ANK1: variants seen among roughly 807,000 people sequenced by gnomAD.
ANK1 encodes ankyrin 1, also known as ankyrin-1.
ANK1 carries 51 observed loss-of-function variants against 210.4 expected under a neutral mutation model. That is an observed-to-expected ratio of 0.24 (90% CI 0.19 to 0.31). ANK1 has a LOEUF of 0.31. Ranked by LOEUF, ANK1 falls within the 10% of genes least tolerant of loss-of-function variation. The probability of loss-of-function intolerance (pLI) is 1.00; values close to 1 mark genes in which losing one functional copy is unlikely to be tolerated. For missense variants in ANK1, 2,051 were observed against 2,504.4 expected, an observed-to-expected ratio of 0.82 and a Z score of 3.86; for synonymous variants, 967 against 1,025.9, an observed-to-expected ratio of 0.94 and a Z score of 1.10.
rs555961001 is a variant in ANK1 at position 41,666,337 on chromosome 8, C to A, written c.5394+1930G>T. Among the ~76,000 whole-genome samples, 126 of 152,348 alleles carry A rather than the reference C, an allele frequency of 8.3e-4. 1 individual carries two copies. The highest frequency in any genetic ancestry group is 2.9e-3 in the African/African-American group (122 of 41,576). ...GAGGTTCTATCGTCTTCCCATTTTA[C>A]ACAAAGGAAACAGAAGCAAAGTATT... is the stretch of plus-strand genomic sequence containing the variant. On this transcript the variant is annotated intron_variant, in intron 39 of 42. Transcript: ENST00000289734.
At position 41,703,420 on chromosome 8, in the gene ANK1, GTGTA is replaced by G. The variant is rs1422568083; in HGVS notation, c.2295+617_2295+620del. Among the ~76,000 whole-genome samples, 114 of 51,124 alleles carry G rather than the reference GTGTA, an allele frequency of 2.2e-3. 1 individual carries two copies. The highest frequency in any genetic ancestry group is 0.013 in the Middle Eastern group (1 of 80). 33.5% of individuals were successfully genotyped at this position (51,124 alleles called of 152,430 possible). ...TGTATATGTGTGTGTGTGTGTGTGT[GTGTA>G]TATATATATATATATATATATATAT... On this transcript the variant is annotated intron_variant, in intron 20 of 42. Transcript: ENST00000289734.
chr8:41,696,738 G>A lies in ANK1; in HGVS notation c.2673C>T (p.Pro891=). 6.3e-7 allele frequency: 1 copy of A among 1,599,316 alleles called. No homozygotes were observed. Among genetic ancestry groups the A allele is most frequent in the Non-Finnish European group, 8.5e-7 (1 of 1,179,104 alleles). ...CTGAGGTCTCGGTGGCCGGGCTGCT[G>A]GGGATGAGGGAGTCCTCATCATACT... The part of the protein sequence containing the change: ...SKEYDEDSLI[P]SSPATETSDN... Residue 891 remains proline (P), a synonymous_variant, in exon 25 of 43, where the codon CCC becomes CCT. Coordinates refer to ENST00000289734, the MANE Select transcript of ANK1 (RefSeq NM_000037.4).
At chr8:41,717,424 G>A (rs1827999131) in intron 12 of ANK1, among the ~76,000 whole-genome samples, 180 bp downstream of exon 12, 1 of 152,258 alleles carries the variant, frequency 6.6e-6, no homozygotes, top group Non-Finnish European at 1.5e-5. Flanking sequence ...GTTTACGGAT[G>A]TGTGAGAAAT....
chr8:41,865,854 T>C (rs1393199656), intron 1 of ANK1, among the ~76,000 whole-genome samples: 1 of 151,974 alleles, frequency 6.6e-6, no homozygotes, highest in African/African-American at 2.4e-5. Flanking sequence ...TCTCTCTCTC[T>C]CCCCTATCCC....
intron 1 of ANK1, among the ~76,000 whole-genome samples, chr8:41,862,266 C>A (rs189318908): frequency 2.0e-5 from 3 of 152,238 alleles, no homozygotes; most frequent in Admixed American, 1.3e-4. Flanking sequence ...AGTTATTTAA[C>A]CTTTCTAAGC....
intron 1 of ANK1, among the ~76,000 whole-genome samples, chr8:41,872,947 T>C (rs3802317): frequency 0.27 from 40,394 of 152,092 alleles, 5,593 homozygotes; most frequent in Non-Finnish European, 0.29. Flanking sequence ...GAACAATGGC[T>C]AACATAATTT....
intron 1 of ANK1, among the ~76,000 whole-genome samples, chr8:41,849,214 A>C (rs933967821): frequency 6.6e-6 from 1 of 152,208 alleles, no homozygotes; most frequent in African/African-American, 2.4e-5. Context: ...GGCTGCCCTG[A>C]TGTCTGCACT....
At chr8:41,835,500 G>A (rs1358772179) in intron 1 of ANK1, among the ~76,000 whole-genome samples, 14 of 151,958 alleles carry the variant, frequency 9.2e-5, no homozygotes, top group Admixed American at 8.5e-4. Context: ...GCTAGCAGGC[G>A]TATATTCTGC....
chr8:41,850,356 A>G (rs377002022), intron 1 of ANK1, among the ~76,000 whole-genome samples: 2 of 152,180 alleles, frequency 1.3e-5, no homozygotes, highest in South Asian at 2.1e-4. Context: ...ATTTAAAATC[A>G]AAAGTTGTTT....
intron 12 of ANK1, 118 bp downstream of exon 12, chr8:41,717,486 T>C (rs1270988385): frequency 1.2e-5 from 12 of 975,624 alleles, no homozygotes; most frequent in Admixed American, 4.0e-5. Flanking sequence ...GTCTGAAGCA[T>C]TGGCTGTTCT....
At chr8:41,725,054 GT>G (rs1563574281) in intron 6 of ANK1, among the ~76,000 whole-genome samples, 3 of 152,168 alleles carry the variant, frequency 2.0e-5, no homozygotes, top group African/African-American at 7.2e-5. Flanking sequence ...TAGAGGCAGG[GT>G]CTCACTATGT....
At chr8:41,863,647 G>T (rs1260566597) in intron 1 of ANK1, among the ~76,000 whole-genome samples, 1 of 152,204 alleles carries the variant, frequency 6.6e-6, no homozygotes, top group Non-Finnish European at 1.5e-5. Context: ...AGCCTAAGCT[G>T]GTTGGTGGAT....
At chr8:41,698,590 T>C (rs537982199) in intron 23 of ANK1, among the ~76,000 whole-genome samples, 134 of 152,318 alleles carry the variant, frequency 8.8e-4, no homozygotes, top group Non-Finnish European at 1.4e-3. Flanking sequence ...AAGTCGTTGA[T>C]ATTAGATTGC....
At chr8:41,868,134 C>G (rs533456669) in intron 1 of ANK1, among the ~76,000 whole-genome samples, 24 of 152,366 alleles carry the variant, frequency 1.6e-4, no homozygotes, top group Middle Eastern at 3.4e-3. Flanking sequence ...GCTGGAATTA[C>G]AGGCATGAGC....
chr8:41,665,086 C>A, intron 39 of ANK1: 1 of 1,590,592 alleles, frequency 6.3e-7, no homozygotes, highest in Non-Finnish European at 8.5e-7. Flanking sequence ...GGGGGGCCTG[C>A]CTCTCATTCT....
chr8:41,860,831 C>T (rs1813132850), intron 1 of ANK1, among the ~76,000 whole-genome samples: 1 of 152,180 alleles, frequency 6.6e-6, no homozygotes, highest in Non-Finnish European at 1.5e-5. Flanking sequence ...GGCCTCAGGG[C>T]CTGAGCGCCT....
At chr8:41,727,732 C>T (rs958707552) in intron 4 of ANK1, among the ~76,000 whole-genome samples, 176 bp downstream of exon 4, 4 of 152,178 alleles carry the variant, frequency 2.6e-5, no homozygotes, top group Non-Finnish European at 4.4e-5. Flanking sequence ...TCTATGCATG[C>T]GAAATAATAA....
At chr8:41,757,765 C>T (rs898467193) in intron 2 of ANK1, among the ~76,000 whole-genome samples, 8 of 152,204 alleles carry the variant, frequency 5.3e-5, no homozygotes, top group African/African-American at 1.7e-4. Flanking sequence ...AAGACAACAG[C>T]GGGAATCAAT....
At chr8:41,738,315 C>T (rs958707174) in intron 2 of ANK1, among the ~76,000 whole-genome samples, 1 of 152,208 alleles carries the variant, frequency 6.6e-6, no homozygotes, top group African/African-American at 2.4e-5. Flanking sequence ...ATCCAGACCC[C>T]AGCAGCACCT....
Sources: gnomAD v4.1 joint callset for allele counts (sites outside exome capture counted in the v4.1 genomes callset) on GRCh38, gnomAD v4.1.1 for gene constraint, MANE v1.5 for transcripts, NCBI Gene and HGNC (gene_info 2026-07-23, HGNC 2026-07-21) for gene names.